Variants in USH2A observed in about 807,000 individuals in gnomAD.
The protein encoded by USH2A is usherin, also known as Usher syndrome 2A (autosomal recessive, mild).
USH2A carries 443 observed loss-of-function variants against 538.9 expected under a neutral mutation model. The observed-to-expected ratio is 0.82, with a 90% CI of 0.76 to 0.89. The LOEUF is 0.89. Ranked by LOEUF, USH2A falls within the 40% of genes least tolerant of loss-of-function variation. The pLI is 0.00. For synonymous variants in USH2A, 2,413 were observed against 2,273.5 expected (o/e 1.06, Z -1.75); for missense variants, 6,633 against 6,324.8 (o/e 1.05, Z -1.65).
Position 216,373,242 on chromosome 1 carries a change from C to T in USH2A, c.652-8157G>A, listed in dbSNP as rs564555409. Among the ~76,000 whole-genome samples, 339 of 152,226 alleles carry T rather than the reference C, an allele frequency of 2.2e-3. 3 individuals are homozygous for T. Among genetic ancestry groups the T allele is most frequent in the African/African-American group, 8.0e-3 (331 of 41,544 alleles). On this transcript the variant is annotated intron_variant, in intron 3 of 71. Transcript: ENST00000307340. ...TGTAATAGAAATGGCGTATAAAATA[C>T]TTTCAATGAAAGGAGGCAATATAAT...
rs1558045983 is a variant in USH2A at position 215,670,972 on chromosome 1, C to A, written c.14133G>T (p.Gln4711His). 1 of 1,613,998 alleles carries A rather than the reference C, an allele frequency of 6.2e-7. No individual in the cohort carries two copies. The change falls in exon 64 of 72, where the codon CAG becomes CAT. Residue 4711 changes from glutamine to histidine, a missense_variant and splice_region_variant. Physicochemically the swap from Gln to His is conservative, Grantham distance 24. Transcript: ENST00000307340. ...ATTGTTTATAATACACATTTCTTAC[C>A]TGATACTCATACTCTGTGAAAGGCA... Reference protein sequence around the residue: ...ELLPFTEYEYQVWAVNSAGKA... With the variant: ...ELLPFTEYEYHVWAVNSAGKA...
intron 3 of USH2A, among the ~76,000 whole-genome samples, chr1:216,368,523 T>C (rs1215409770): frequency 6.6e-6 from 1 of 152,188 alleles, no homozygotes; most frequent in Non-Finnish European, 1.5e-5. Flanking sequence ...ATTGCCTACA[T>C]TCTTCTAATT....
chr1:216,226,267 T>C (rs868491826), intron 14 of USH2A, among the ~76,000 whole-genome samples: 1 of 152,220 alleles, frequency 6.6e-6, no homozygotes, highest in Non-Finnish European at 1.5e-5. Flanking sequence ...TTCTGGTCTT[T>C]CTCAGGCAAT....
intron 21 of USH2A, among the ~76,000 whole-genome samples, chr1:216,103,518 C>T (rs1011999051): frequency 6.6e-6 from 1 of 152,088 alleles, no homozygotes; most frequent in African/African-American, 2.4e-5. Flanking sequence ...AAATCAAGAA[C>T]TAATACATTT....
intron 37 of USH2A, among the ~76,000 whole-genome samples, chr1:215,935,837 C>T (rs925682199): frequency 1.3e-5 from 2 of 151,730 alleles, no homozygotes; most frequent in African/African-American, 4.8e-5. Context: ...AAGAGTACCA[C>T]CCAGGCTAGG....
intron 69 of USH2A, among the ~76,000 whole-genome samples, chr1:215,638,008 C>T (rs1326440983): frequency 6.6e-6 from 1 of 152,090 alleles, no homozygotes; most frequent in African/African-American, 2.4e-5. Flanking sequence ...AAAAGATGCT[C>T]CTTAAAAATT....
At chr1:215,665,817 C>A (rs1183490403) in intron 64 of USH2A, among the ~76,000 whole-genome samples, 1 of 152,190 alleles carries the variant, frequency 6.6e-6, no homozygotes, top group Admixed American at 6.5e-5. Flanking sequence ...GTAGCACAAG[C>A]AAGACTGTGA....
chr1:215,792,709 A>G (rs1662014270), intron 50 of USH2A, among the ~76,000 whole-genome samples: 1 of 152,248 alleles, frequency 6.6e-6, no homozygotes, highest in Non-Finnish European at 1.5e-5. Flanking sequence ...CTGCAAATTC[A>G]GAGACAGACA....
At chr1:215,649,555 T>C (rs1178650784) in intron 65 of USH2A, among the ~76,000 whole-genome samples, 1 of 152,236 alleles carries the variant, frequency 6.6e-6, no homozygotes, top group East Asian at 1.9e-4. Flanking sequence ...AATCAAGGGT[T>C]GATTGTATTT....
chr1:215,965,597 A>C (rs928117806), intron 36 of USH2A, 118 bp from the exon 37 acceptor site: 10 of 1,167,078 alleles, frequency 8.6e-6, no homozygotes, highest in Non-Finnish European at 1.2e-5. Flanking sequence ...TGACAGTAGC[A>C]TCTTGTATGA....
chr1:216,162,183 T>A (rs1004515913), intron 21 of USH2A, among the ~76,000 whole-genome samples: 1 of 152,066 alleles, frequency 6.6e-6, no homozygotes, highest in Admixed American at 6.6e-5. Context: ...TTGTTCTTTT[T>A]TTCATGTTTT....
chr1:216,408,258 G>A (rs1362968240), intron 3 of USH2A, among the ~76,000 whole-genome samples: 1 of 152,026 alleles, frequency 6.6e-6, no homozygotes, highest in Admixed American at 6.6e-5. Context: ...ATTCAGACTG[G>A]CAAAAGGCAA....
At chr1:216,002,341 C>T (rs1028688632) in intron 32 of USH2A, among the ~76,000 whole-genome samples, 2 of 152,156 alleles carry the variant, frequency 1.3e-5, no homozygotes, top group Non-Finnish European at 2.9e-5. Context: ...TTCATCTTCG[C>T]TCTCTGGTGA....
At chr1:216,359,375 CTCACATAATT>C (rs1458036559) in intron 4 of USH2A, among the ~76,000 whole-genome samples, 1 of 152,006 alleles carries the variant, frequency 6.6e-6, no homozygotes, top group Non-Finnish European at 1.5e-5. Flanking sequence ...CATACATCAT[CTCACATAATT>C]CTTATAAGAT....
intron 64 of USH2A, among the ~76,000 whole-genome samples, chr1:215,665,341 A>AC (rs1421972645): frequency 3.9e-5 from 6 of 152,126 alleles, no homozygotes; most frequent in African/African-American, 1.4e-4. Context: ...CTTCTCAGTC[A>AC]CCCAGTCATG....
At chr1:215,925,463 G>A (rs989852121) in intron 38 of USH2A, among the ~76,000 whole-genome samples, 1 of 152,152 alleles carries the variant, frequency 6.6e-6, no homozygotes, top group Admixed American at 6.6e-5. Flanking sequence ...CTATTCGAAA[G>A]ATTCATATGA....
Position 215,790,150 on chromosome 1 carries a change from A to G in USH2A, c.10091T>C (p.Ile3364Thr). 5.0e-6 allele frequency: 8 copies of G among 1,613,976 alleles called. No individual in the cohort carries two copies. In the South Asian group the frequency reaches 5.5e-5, roughly 11 times the overall value. ...VPVKCCETEL[I>T]PKSQKCCNGV... is the part of the protein sequence containing the mutation. Reference sequence around the variant, plus strand: ...ATTACAGCATTTCTGGCTCTTTGGAATAAGTTCAGTCTCACAGCATTTTAC... The same window carrying G: ...ATTACAGCATTTCTGGCTCTTTGGAGTAAGTTCAGTCTCACAGCATTTTAC... The change falls in exon 51 of 72, where the codon ATT becomes ACT. Residue 3364 changes from isoleucine (I) to threonine (T), a missense_variant. By Grantham distance (89) the Ile-to-Thr change is moderately conservative. Transcript: ENST00000307340.
intron 60 of USH2A, among the ~76,000 whole-genome samples, chr1:215,736,139 C>G (rs1394891562): frequency 6.6e-6 from 1 of 152,146 alleles, no homozygotes; most frequent in African/African-American, 2.4e-5. Context: ...TATTTACCCC[C>G]TAAACCTTCA....
At chr1:216,196,197 C>T (rs989075493) in intron 19 of USH2A, among the ~76,000 whole-genome samples, 6 of 151,962 alleles carry the variant, frequency 3.9e-5, no homozygotes, top group Admixed American at 2.6e-4. Context: ...TAATACAATA[C>T]AATATCAACT....
Sources: allele counts gnomAD v4.1 joint callset (sites outside exome capture counted in the v4.1 genomes callset), GRCh38; gene constraint gnomAD v4.1.1; transcripts MANE v1.5; gene names NCBI Gene and HGNC (gene_info 2026-07-23, HGNC 2026-07-21).